The following CASK variants were observed in gnomAD, a reference collection of about 807,000 sequenced individuals.
The protein encoded by CASK is calcium/calmodulin dependent serine protein kinase.
A neutral mutation model predicts 82.9 loss-of-function variants in CASK; 4 were observed. The ratio of observed to expected loss-of-function variants is 0.05; its 90% CI spans 0.02 to 0.11. The LOEUF (loss-of-function observed/expected upper bound fraction) is 0.11, where lower values mean the gene tolerates loss of function less well. CASK is among the 10% of genes least tolerant of loss of function. The pLI, the probability that CASK is intolerant of heterozygous loss-of-function variation, is 1.00. For synonymous variants in CASK, 259 were observed against 253.5 expected (o/e 1.02, Z -0.20); for missense variants, 358 against 720.9 (o/e 0.50, Z 5.76).
At chrX:41,757,097 A>T (rs1338951947) in intron 3 of CASK, among the ~76,000 whole-genome samples, 1 of 112,377 alleles carries the variant, frequency 8.9e-6, no homozygotes, top group Non-Finnish European at 1.9e-5. Context: ...TTTCCAGATG[A>T]TACATATGAA....
intron 3 of CASK, among the ~76,000 whole-genome samples, chrX:41,751,246 C>A (rs1431139463): frequency 9.0e-6 from 1 of 110,609 alleles, no homozygotes; most frequent in East Asian, 2.8e-4. Flanking sequence ...CCACACCTGG[C>A]TAATTTTTTT....
At chrX:41,607,152 T>G (rs2065975206) in intron 12 of CASK, among the ~76,000 whole-genome samples, 1 of 112,802 alleles carries the variant, frequency 8.9e-6, no homozygotes, top group African/African-American at 3.2e-5. Context: ...CACTAACATC[T>G]AAGAATCTCT....
At chrX:41,824,504 G>A (rs1319390600) in intron 2 of CASK, among the ~76,000 whole-genome samples, 1 of 112,575 alleles carries the variant, frequency 8.9e-6, no homozygotes, top group Non-Finnish European at 1.9e-5. Flanking sequence ...CTCCTGCAGT[G>A]TGTGCAGTTT....
At chrX:41,611,762 T>A (rs1468612228) in intron 11 of CASK, among the ~76,000 whole-genome samples, 1 of 107,913 alleles carries the variant, frequency 9.3e-6, no homozygotes, top group African/African-American at 3.4e-5. Flanking sequence ...GAAGCTGGAC[T>A]GTACTGCTGC....
At chrX:41,750,578 G>C (rs1340894049) in intron 3 of CASK, among the ~76,000 whole-genome samples, 1 of 111,997 alleles carries the variant, frequency 8.9e-6, no homozygotes, top group Non-Finnish European at 1.9e-5. Flanking sequence ...GAGAAATTAA[G>C]GGCAGTTTAG....
At chrX:41,831,588 T>A (rs1190501714) in intron 2 of CASK, among the ~76,000 whole-genome samples, 1 of 112,512 alleles carries the variant, frequency 8.9e-6, no homozygotes, top group African/African-American at 3.2e-5. Context: ...CTCTTTTTGA[T>A]GTACTATCAC....
At chrX:41,717,257 C>T (rs1452297853) in intron 5 of CASK, among the ~76,000 whole-genome samples, 4 of 112,257 alleles carry the variant, frequency 3.6e-5, no homozygotes, top group Non-Finnish European at 5.6e-5. Flanking sequence ...ACCCGCGAGA[C>T]GCACGCTTCT....
At chrX:41,800,147 A>G (rs908738158) in intron 2 of CASK, among the ~76,000 whole-genome samples, 3 of 111,104 alleles carry the variant, frequency 2.7e-5, no homozygotes, top group African/African-American at 9.8e-5. Context: ...ATCTCCTTCA[A>G]CTTCCTAGGG....
chrX:41,706,712 C>CA (rs2067892462), intron 5 of CASK, among the ~76,000 whole-genome samples: 1 of 111,710 alleles, frequency 9.0e-6, no homozygotes, highest in African/African-American at 3.3e-5. Context: ...AGTGCAGTGG[C>CA]ACGATCATAG....
chrX:41,727,895 CAA>C (rs1158686199), intron 5 of CASK: 7 of 1,203,055 alleles, frequency 5.8e-6, no homozygotes, highest in Non-Finnish European at 7.9e-6. Context: ...TTAATAGAAA[CAA>C]AAAACATTCT....
intron 1 of CASK, among the ~76,000 whole-genome samples, chrX:41,885,340 AAATTAC>A (rs1188435415): frequency 9.1e-6 from 1 of 109,717 alleles, no homozygotes; most frequent in Non-Finnish European, 1.9e-5. Context: ...TTCTGAGATA[AAATTAC>A]AAACCTTACA....
intron 11 of CASK, 151 bp from the exon 12 acceptor site, chrX:41,610,176 T>C (rs2066023496): frequency 5.6e-6 from 3 of 538,961 alleles, no homozygotes; most frequent in Non-Finnish European, 9.2e-6. Flanking sequence ...TAAATGAGTT[T>C]CATATAATTT....
chrX:41,636,022 G>A (rs375480738), intron 9 of CASK, among the ~76,000 whole-genome samples: 2 of 103,518 alleles, frequency 1.9e-5, no homozygotes, highest in African/African-American at 7.1e-5. Flanking sequence ...TCAGCCTCCC[G>A]AGTAGCTGGG....
intron 21 of CASK, among the ~76,000 whole-genome samples, chrX:41,544,714 C>A (rs912448599): frequency 1.0e-4 from 10 of 100,154 alleles, no homozygotes; most frequent in African/African-American, 3.5e-4. Context: ...CAAAAAAAAA[C>A]AAAAAACAAA....
At position 41,578,538 on chromosome X, in the gene CASK, T is replaced by C. The variant is rs375004542; in HGVS notation, c.1315-10A>G. 90 of 1,149,955 alleles carry C rather than the reference T, an allele frequency of 7.8e-5. No homozygotes were observed. The Middle Eastern group carries it at 6.3e-3, about 80-fold the overall frequency. 94.8% of individuals were successfully genotyped at this position (1,149,955 alleles called of 1,213,427 possible). On this transcript the variant is annotated splice_polypyrimidine_tract_variant and intron_variant, in intron 14 of 26. Coordinates refer to ENST00000378163, the MANE Select transcript of CASK (RefSeq NM_001367721.1). ...GAGTCTGAAGTAAGGCCTAGTGTTT[T>C]ATGAAGAAAAAAATTATTAATAACA...
At position 41,553,636 on chromosome X, in the gene CASK, C is replaced by T. The variant is rs991479618; in HGVS notation, c.2039+83G>A. 17 of 754,643 alleles carry T rather than the reference C, an allele frequency of 2.3e-5. No homozygotes were observed. The Middle Eastern group carries it at 1.2e-3, about 52-fold the overall frequency. The allele number at this position is 754,643 out of a possible 1,213,427, so 62.2% of individuals were successfully genotyped here. A position where few individuals can be genotyped will look rare whatever the true frequency, so the allele number is the denominator to read the frequency against. On this transcript the variant is annotated intron_variant, in intron 21 of 26. Coordinates refer to ENST00000378163, the MANE Select transcript of CASK (RefSeq NM_001367721.1). The stretch of plus-strand genomic sequence containing the variant: ...GAATATATCAAACAGGTTTTACACT[C>T]TAAAATAATATAAAATTGGAAAATG...
intron 21 of CASK, among the ~76,000 whole-genome samples, chrX:41,552,183 C>T (rs758255780): frequency 9.9e-4 from 108 of 109,194 alleles, no homozygotes; most frequent in African/African-American, 3.4e-3. Context: ...GTGATCTGCC[C>T]ACCTCGGCGT....
intron 8 of CASK, among the ~76,000 whole-genome samples, chrX:41,652,944 C>T (rs907622713): frequency 7.1e-5 from 8 of 112,348 alleles, no homozygotes; most frequent in African/African-American, 2.3e-4. Flanking sequence ...GAGGCCTGGA[C>T]TTGTGACTGG....
At chrX:41,574,872 C>T (rs10521421) in intron 15 of CASK, among the ~76,000 whole-genome samples, 17,103 of 111,673 alleles carry the variant, frequency 0.15, 1,003 homozygotes, top group Middle Eastern at 0.18. Context: ...ATTTGTACCA[C>T]TCCACAAACT....
Sources: gnomAD v4.1 joint callset for allele counts (sites outside exome capture counted in the v4.1 genomes callset) on GRCh38, gnomAD v4.1.1 for gene constraint, MANE v1.5 for transcripts, NCBI Gene and HGNC (gene_info 2026-07-23, HGNC 2026-07-21) for gene names.